ZNRF1: variants seen among roughly 807,000 people sequenced by gnomAD.
The protein encoded by ZNRF1 is zinc and ring finger 1, also known as E3 ubiquitin-protein ligase ZNRF1.
In ZNRF1, 3 loss-of-function variants were observed where a neutral mutation model predicts 18.4. That is an observed-to-expected ratio of 0.16 (90% confidence interval 0.07 to 0.42). The LOEUF is 0.42. Among genes scored for constraint, ZNRF1 ranks in the 10% least tolerant of loss-of-function variants. The pLI is 0.99. For synonymous variants in ZNRF1, 157 were observed against 144.2 expected, an observed-to-expected ratio of 1.09 and a Z score of -0.64; for missense variants, 310 against 329.8, an observed-to-expected ratio of 0.94 and a Z score of 0.47.
At chr16:75,103,498 C>A (rs748346365) in intron 2 of ZNRF1, among the ~76,000 whole-genome samples, 8 of 152,082 alleles carry the variant, frequency 5.3e-5, no homozygotes, top group Middle Eastern at 6.8e-3. Context: ...CTAGTGGTGG[C>A]CAGGGGCTGG....
chr16:75,035,831 T>C (rs1320434638), intron 1 of ZNRF1, among the ~76,000 whole-genome samples: 1 of 152,190 alleles, frequency 6.6e-6, no homozygotes, highest in African/African-American at 2.4e-5. Flanking sequence ...AGGCATTCCT[T>C]TACCAGCTAA....
chr16:75,019,058 C>T (rs889022426), intron 1 of ZNRF1, among the ~76,000 whole-genome samples: 2 of 152,082 alleles, frequency 1.3e-5, no homozygotes, highest in African/African-American at 4.8e-5. Flanking sequence ...CCCAGCTACT[C>T]AGGAGGTTGA....
At chr16:75,034,663 C>T (rs1048001690) in intron 1 of ZNRF1, among the ~76,000 whole-genome samples, 1 of 152,134 alleles carries the variant, frequency 6.6e-6, no homozygotes, top group East Asian at 1.9e-4. Flanking sequence ...TGCCTGGCTC[C>T]GTTACCCAGT....
intron 1 of ZNRF1, among the ~76,000 whole-genome samples, chr16:75,048,368 G>C (rs1210150974): frequency 1.3e-5 from 2 of 152,122 alleles, no homozygotes; most frequent in Non-Finnish European, 2.9e-5. Flanking sequence ...ACATTCTGAA[G>C]TACTGGAGGT....
chr16:75,083,459 T>C (rs1359282949), intron 1 of ZNRF1, among the ~76,000 whole-genome samples: 2 of 152,202 alleles, frequency 1.3e-5, no homozygotes, highest in African/African-American at 4.8e-5. Flanking sequence ...CTCAGAGATA[T>C]GTTGGAGTGG....
At chr16:75,073,146 C>CTCTCTCTCTCTCTCTGTCTCTCTG (rs146902791) in intron 1 of ZNRF1, among the ~76,000 whole-genome samples, 1 of 128,660 alleles carries the variant, frequency 7.8e-6, no homozygotes, top group Non-Finnish European at 1.6e-5. Flanking sequence ...CTCTCTCTCT[C>CTCTCTCTCTCTCTCTGTCTCTCTG]TCTCTCTGTC....
In ZNRF1 at chr16:74,999,649, G is replaced by C. The variant is rs2034810268; in HGVS notation, c.-23G>C. ...GGAGGGTCTCGGCCTCCAGGTTCCC[G>C]CCCCACCGGGGCCCGGGCGAGCATG... is the stretch of plus-strand genomic sequence containing the variant. On this transcript the variant is annotated 5_prime_UTR_variant, in exon 1 of 5. Transcript: ENST00000335325. The C allele has an allele frequency of 7.5e-7, 1 of 1,325,268 alleles. No individual in the cohort carries two copies. The highest frequency in any genetic ancestry group is 9.6e-7 in the Non-Finnish European group (1 of 1,043,530). The allele number at this position is 1,325,268 out of a possible 1,614,324, so 82.1% of individuals were successfully genotyped here.
chr16:75,038,336 T>C (rs2035400116), intron 1 of ZNRF1, among the ~76,000 whole-genome samples: 1 of 152,084 alleles, frequency 6.6e-6, no homozygotes, highest in Non-Finnish European at 1.5e-5. Context: ...GGCAAAGCCT[T>C]CTCTCTCTCG....
intron 1 of ZNRF1, among the ~76,000 whole-genome samples, chr16:75,008,350 G>T (rs72798702): frequency 0.024 from 3,700 of 152,284 alleles, 146 homozygotes; most frequent in Admixed American, 0.098. Flanking sequence ...TCTGAGAATT[G>T]AAGTTGCTCT....
At position 75,067,858 on chromosome 16, in the gene ZNRF1, G is replaced by A. The variant is rs1284676027; in HGVS notation, c.425-25714G>A. Among the ~76,000 whole-genome samples, 7 of 152,176 alleles carry A rather than the reference G, an allele frequency of 4.6e-5. No homozygotes were observed. The East Asian group carries it at 9.7e-4, about 21-fold the overall frequency. ...AATGGTAACACCACAAAATTAATACGTCTCTTATCTACAAATCTGAAATCC... is the reference window on the plus strand; with the variant it reads ...AATGGTAACACCACAAAATTAATACATCTCTTATCTACAAATCTGAAATCC... On this transcript the variant is annotated intron_variant, in intron 1 of 4. Transcript: ENST00000335325.
intron 1 of ZNRF1, among the ~76,000 whole-genome samples, chr16:75,071,912 G>T (rs1367975662): frequency 1.3e-5 from 2 of 151,862 alleles, no homozygotes; most frequent in African/African-American, 4.8e-5. Flanking sequence ...TGCACCTAGG[G>T]TACCCCTTGT....
intron 1 of ZNRF1, among the ~76,000 whole-genome samples, chr16:75,024,735 A>G (rs894362588): frequency 6.6e-6 from 1 of 152,266 alleles, no homozygotes; most frequent in Non-Finnish European, 1.5e-5. Flanking sequence ...AGCAGAAGAC[A>G]ACAGACCTTT....
At position 75,106,305 on chromosome 16, in the gene ZNRF1, A is replaced by T. The variant is rs963066570; in HGVS notation, c.627-177A>T. The stretch of plus-strand genomic sequence containing the variant: ...TGGGCCAAGACTAGTCTTGGTGTTC[A>T]CCCTTCTTCGTGCTTCAGAAAGTAG... On this transcript the variant is annotated intron_variant, in intron 3 of 4. Transcript: ENST00000335325. 15 of 632,220 alleles carry T rather than the reference A, an allele frequency of 2.4e-5. No individual in the cohort carries two copies. The African/African-American group carries it at 2.6e-4, about 11-fold the overall frequency. The allele number at this position is 632,220 out of a possible 1,614,324, so 39.2% of individuals were successfully genotyped here.
intron 1 of ZNRF1, among the ~76,000 whole-genome samples, chr16:75,083,422 A>T (rs1597901868): frequency 6.6e-6 from 1 of 152,322 alleles, no homozygotes; most frequent in African/African-American, 2.4e-5. Flanking sequence ...TCTTTCTTCC[A>T]TACCAGTCAG....
intron 1 of ZNRF1, among the ~76,000 whole-genome samples, chr16:75,059,786 G>A (rs2035719782): frequency 6.6e-6 from 1 of 152,158 alleles, no homozygotes; most frequent in Admixed American, 6.6e-5. Flanking sequence ...AAAGGTCTTA[G>A]GCTGATGGAT....
At chr16:75,053,857 TC>T (rs1205154323) in intron 1 of ZNRF1, among the ~76,000 whole-genome samples, 2 of 152,206 alleles carry the variant, frequency 1.3e-5, no homozygotes, top group African/African-American at 4.8e-5. Flanking sequence ...CCCAGGTTGT[TC>T]CTGGGCTCCT....
intron 1 of ZNRF1, among the ~76,000 whole-genome samples, chr16:75,014,382 T>G (rs2035039362): frequency 6.6e-6 from 1 of 152,230 alleles, no homozygotes; most frequent in Non-Finnish European, 1.5e-5. Context: ...TCATGTAAAC[T>G]GTATAGACAT....
intron 1 of ZNRF1, among the ~76,000 whole-genome samples, chr16:75,053,245 T>A (rs1233136006): frequency 1.3e-5 from 2 of 151,950 alleles, no homozygotes; most frequent in African/African-American, 4.8e-5. Context: ...GAATAGAGGG[T>A]CAGAAAAGCA....
At chr16:75,107,230 C>A (rs897238936) in intron 4 of ZNRF1, 1 of 173,848 alleles carries the variant, frequency 5.8e-6, no homozygotes, top group African/African-American at 2.4e-5. Context: ...TTGCTGCCAA[C>A]CATCCACCCC....
Sources: allele counts gnomAD v4.1 joint callset (sites outside exome capture counted in the v4.1 genomes callset), GRCh38; gene constraint gnomAD v4.1.1; transcripts MANE v1.5; gene names NCBI Gene and HGNC (gene_info 2026-07-23, HGNC 2026-07-21).